Variants in PHF3 observed in about 807,000 individuals in gnomAD.
PHF3 encodes PHD finger protein 3.
In PHF3, 41 loss-of-function variants were observed where a neutral mutation model predicts 178.4. That is an observed-to-expected ratio of 0.23 (90% CI 0.18 to 0.30). PHF3 has a LOEUF of 0.30. PHF3 is among the 10% of genes least tolerant of loss of function. PHF3 has a pLI of 1.00. For missense variants in PHF3, 2,346 were observed against 2,398.1 expected (o/e 0.98, Z 0.45); for synonymous variants, 842 against 800.5 (o/e 1.05, Z -0.88).
At chr6:63,691,156 T>G (rs1310334126) in intron 4 of PHF3, among the ~76,000 whole-genome samples, 1 of 152,168 alleles carries the variant, frequency 6.6e-6, no homozygotes, top group Admixed American at 6.5e-5. Flanking sequence ...AACCAGAATA[T>G]TTTGAGGTTA....
chr6:63,691,604 T>G lies in PHF3; in HGVS notation c.2190-133T>G, dbSNP rs937590712. 8 of 733,730 alleles carry G rather than the reference T, an allele frequency of 1.1e-5. No individual in the cohort carries two copies. In the East Asian group the frequency reaches 1.8e-4, roughly 16 times the overall value. 45.5% of individuals were successfully genotyped at this position (733,730 alleles called of 1,614,324 possible). A position where few individuals can be genotyped will look rare whatever the true frequency, so the allele number is the denominator to read the frequency against. On this transcript the variant is annotated intron_variant, in intron 4 of 15. Coordinates refer to ENST00000262043, the MANE Select transcript of PHF3 (RefSeq NM_001370348.2). Reference sequence around the variant, plus strand: ...GAAAACTTGCTGTATGTTGAACTTATGGAACGGATAGAGATGGAAAACATG... The same window carrying G: ...GAAAACTTGCTGTATGTTGAACTTAGGGAACGGATAGAGATGGAAAACATG...
intron 2 of PHF3, among the ~76,000 whole-genome samples, chr6:63,676,664 T>A (rs1044622859): frequency 6.6e-6 from 1 of 152,182 alleles, no homozygotes; most frequent in African/African-American, 2.4e-5. Context: ...TATAGGACCC[T>A]GTGGGCCCTG....
At chr6:63,687,702 G>A (rs557681489) in intron 4 of PHF3, among the ~76,000 whole-genome samples, 1 of 152,272 alleles carries the variant, frequency 6.6e-6, no homozygotes, top group African/African-American at 2.4e-5. Context: ...CAGTCTTCAG[G>A]AGTTTGCCCA....
chr6:63,708,458 T>C (rs1767788019), intron 13 of PHF3, among the ~76,000 whole-genome samples: 1 of 152,164 alleles, frequency 6.6e-6, no homozygotes, highest in Admixed American at 6.6e-5. Flanking sequence ...TTCCGTTTTG[T>C]ACTTGTTTTT....
chr6:63,692,109 A>C (rs1466153336), intron 5 of PHF3, 66 bp downstream of exon 5: 14 of 1,127,990 alleles, frequency 1.2e-5, no homozygotes, highest in African/African-American at 1.6e-5. Flanking sequence ...GACTGCAATA[A>C]TTTTGAAATT....
At chr6:63,706,595 G>GA (rs1195096508) in intron 12 of PHF3, 134 bp from the exon 13 acceptor site, 5 of 687,516 alleles carry the variant, frequency 7.3e-6, no homozygotes, top group Non-Finnish European at 1.2e-5. Context: ...TTTATAAAAT[G>GA]AAAGTGTGAA....
chr6:63,703,557 T>C lies in PHF3; in HGVS notation c.3253T>C (p.Leu1085=). 1 of 1,611,226 alleles carries C rather than the reference T, an allele frequency of 6.2e-7. No homozygotes were observed. Among genetic ancestry groups the C allele is most frequent in the Non-Finnish European group, 8.5e-7 (1 of 1,179,336 alleles). ...TTAGGAACCAGCCGCCAATAAGTCATTGGAGAAGCCAGAAGGATCTGAAAA... is the reference window on the plus strand; with the variant it reads ...TTAGGAACCAGCCGCCAATAAGTCACTGGAGAAGCCAGAAGGATCTGAAAA... ...EIQEPAANKS[L]EKPEGSEKQK... is the part of the protein sequence containing the mutation. Residue 1085 remains leucine, a synonymous_variant, in exon 11 of 16, where the codon TTG becomes CTG. Coordinates refer to ENST00000262043, the MANE Select transcript of PHF3 (RefSeq NM_001370348.2).
intron 6 of PHF3, 24 bp from the exon 7 acceptor site, chr6:63,698,199 A>T (rs780229359): frequency 6.4e-7 from 1 of 1,566,890 alleles, no homozygotes; most frequent in South Asian, 1.2e-5. Context: ...CAATGTAATG[A>T]GTTTCGATAT....
chr6:63,659,318 A>G (rs1347252070), intron 2 of PHF3, among the ~76,000 whole-genome samples: 6 of 152,218 alleles, frequency 3.9e-5, no homozygotes, highest in Admixed American at 3.3e-4. Context: ...AACTCAGAAG[A>G]TGATAAATTA....
At chr6:63,702,319 C>T (rs940688493) in intron 9 of PHF3, 189 bp from the exon 10 acceptor site, 3 of 334,556 alleles carry the variant, frequency 9.0e-6, no homozygotes, top group African/African-American at 4.2e-5. Flanking sequence ...TTCTTATAAC[C>T]GCAGTACTTA....
intron 2 of PHF3, among the ~76,000 whole-genome samples, chr6:63,671,640 A>G (rs1286029908): frequency 6.6e-6 from 1 of 152,208 alleles, no homozygotes; most frequent in African/African-American, 2.4e-5. Flanking sequence ...GGTACTCAAA[A>G]TGTTTAGTTA....
In PHF3 at chr6:63,639,436, G is replaced by GT. The variant is rs573560007; in HGVS notation, c.-26+3295dup. 6.7e-3 allele frequency among the ~76,000 whole-genome samples: 1,004 copies of GT among 150,974 alleles called. 8 individuals are homozygous for GT. Among genetic ancestry groups the GT allele is most frequent in the African/African-American group, 0.022 (907 of 41,204 alleles). On this transcript the variant is annotated intron_variant, in intron 1 of 15. Coordinates refer to ENST00000262043, the MANE Select transcript of PHF3 (RefSeq NM_001370348.2). ...TCATATGCATTGAGGCTTACATTTTGTTTTTTTTTAAATGTGTAGAGGGTG... is the reference window on the plus strand; with the variant it reads ...TCATATGCATTGAGGCTTACATTTTGTTTTTTTTTTAAATGTGTAGAGGGTG...
At chr6:63,654,139 G>A (rs1212080416) in intron 2 of PHF3, among the ~76,000 whole-genome samples, 2 of 152,114 alleles carry the variant, frequency 1.3e-5, no homozygotes, top group Non-Finnish European at 2.9e-5. Flanking sequence ...CACACAGAAT[G>A]GGTTAGGAAG....
chr6:63,688,887 G>A (rs1766870503), intron 4 of PHF3, among the ~76,000 whole-genome samples: 1 of 152,124 alleles, frequency 6.6e-6, no homozygotes, highest in Non-Finnish European at 1.5e-5. Flanking sequence ...ACATTTTCTA[G>A]CATTTGCAAC....
rs1185626124 is a variant in PHF3 at position 63,685,072 on chromosome 6, G to A, written c.1350G>A (p.Gln450=). The A allele has an allele frequency of 1.2e-6, 2 of 1,613,968 alleles. No homozygotes were observed. The highest frequency in any genetic ancestry group is 1.7e-6 in the Non-Finnish European group (2 of 1,179,936). The stretch of plus-strand genomic sequence containing the variant: ...ATGTGCCTGACCAAAATTCAAAACA[G>A]TTGAATGCTATAGAAAGTACTAAAA... ...ICDVPDQNSK[Q]LNAIESTKIE... is the part of the protein sequence containing the mutation. Residue 450 remains glutamine, a synonymous_variant, in exon 4 of 16, where the codon CAG becomes CAA. Coordinates refer to ENST00000262043, the MANE Select transcript of PHF3 (RefSeq NM_001370348.2).
intron 2 of PHF3, among the ~76,000 whole-genome samples, chr6:63,665,655 T>A (rs181032184): frequency 1.3e-5 from 2 of 151,898 alleles, no homozygotes; most frequent in South Asian, 2.1e-4. Context: ...CTGGCTAATA[T>A]TGTTGTCTTT....
At position 63,691,716 on chromosome 6, in the gene PHF3, T is replaced by G. The variant is rs548813239; in HGVS notation, c.2190-21T>G. On this transcript the variant is annotated intron_variant, in intron 4 of 15. Coordinates refer to ENST00000262043, the MANE Select transcript of PHF3 (RefSeq NM_001370348.2). ...CTTGTTAAAAAAAGGGATAAAAGTT[T>G]TTTGGTGTTCTGTTTTCCAGGTTTA... The G allele has an allele frequency of 1.1e-4, 164 of 1,532,750 alleles. No homozygotes were observed. Among genetic ancestry groups the G allele is most frequent in the Admixed American group, 1.5e-4 (7 of 46,318 alleles). 94.9% of individuals were successfully genotyped at this position (1,532,750 alleles called of 1,614,324 possible). A position where few individuals can be genotyped will look rare whatever the true frequency, so the allele number is the denominator to read the frequency against.
At chr6:63,690,873 G>C (rs748288390) in intron 4 of PHF3, among the ~76,000 whole-genome samples, 1 of 152,132 alleles carries the variant, frequency 6.6e-6, no homozygotes, top group African/African-American at 2.4e-5. Context: ...TGGAAAGATA[G>C]AAGCTTTTTT....
In PHF3 at chr6:63,712,658, C is replaced by T. The variant is rs1466451281; in HGVS notation, c.5070C>T (p.His1690=). 6.2e-7 allele frequency: 1 copy of T among 1,613,852 alleles called. No homozygotes were observed. Among genetic ancestry groups the T allele is most frequent in the Admixed American group, 1.7e-5 (1 of 59,970 alleles). ...CTGGCCTGTCACACAACAAGGAGCA[C>T]TTAACAGAACAAATCAATGTAGAGG... is the stretch of plus-strand genomic sequence containing the variant. ...MLPGLSHNKE[H]LTEQINVEEK... The change falls in exon 16 of 16, where the codon CAC becomes CAT. Residue 1690 remains histidine, a synonymous_variant. Transcript: ENST00000262043.
Sources: allele counts gnomAD v4.1 joint callset (sites outside exome capture counted in the v4.1 genomes callset), GRCh38; gene constraint gnomAD v4.1.1; transcripts MANE v1.5; gene names NCBI Gene and HGNC (gene_info 2026-07-23, HGNC 2026-07-21).